The following L3MBTL3 variants were observed in gnomAD, a reference collection of about 807,000 sequenced individuals.
L3MBTL3 encodes lethal(3)malignant brain tumor-like protein 3.
Under a neutral mutation model 102.3 loss-of-function variants are expected in L3MBTL3, and 27 were observed. The observed-to-expected ratio is 0.26, with a 90% CI of 0.19 to 0.36. The LOEUF (loss-of-function observed/expected upper bound fraction) is 0.36, where lower values mean the gene tolerates loss of function less well. L3MBTL3 is among the 10% of genes least tolerant of loss of function. The probability of loss-of-function intolerance (pLI) is 1.00; values close to 1 mark genes in which losing one functional copy is unlikely to be tolerated. For synonymous variants in L3MBTL3, 340 were observed against 320.9 expected (o/e 1.06, Z -0.64); for missense variants, 798 against 955.3 (o/e 0.84, Z 2.17).
chr6:130,075,980 A>T (rs934342882), intron 13 of L3MBTL3, among the ~76,000 whole-genome samples: 10 of 152,200 alleles, frequency 6.6e-5, no homozygotes, highest in African/African-American at 1.9e-4. Flanking sequence ...TACTGTGGGT[A>T]ATAGAATTGG....
chr6:130,033,283 T>C (rs566604585), intron 2 of L3MBTL3, among the ~76,000 whole-genome samples: 4 of 152,274 alleles, frequency 2.6e-5, no homozygotes, highest in Admixed American at 2.0e-4. Flanking sequence ...TCCTTGGAGA[T>C]GATGTTACTG....
At chr6:130,042,824 A>ATAATTGTATGTAATAAAG in intron 3 of L3MBTL3, 23 bp downstream of exon 3, 2 of 1,453,820 alleles carry the variant, frequency 1.4e-6, no homozygotes, top group Non-Finnish European at 1.9e-6. Flanking sequence ...TATTACATAC[A>ATAATTGTATGTAATAAAG]ATTATGTGTG....
In L3MBTL3 at chr6:130,040,989, T is replaced by C. The variant is rs528655986; in HGVS notation, c.-15-1696T>C. ...TGTTGCCACTGCACCGGCAATTTTATCCTCTCTTGGTTTTGCACTATCAGT... is the reference window on the plus strand; with the variant it reads ...TGTTGCCACTGCACCGGCAATTTTACCCTCTCTTGGTTTTGCACTATCAGT... On this transcript the variant is annotated intron_variant, in intron 2 of 22. Transcript: ENST00000361794. 9.8e-5 allele frequency among the ~76,000 whole-genome samples: 15 copies of C among 152,314 alleles called. No homozygotes were observed. In the South Asian group the frequency reaches 2.5e-3, roughly 25 times the overall value.
At chr6:130,021,612 A>G (rs1418904216) in intron 1 of L3MBTL3, among the ~76,000 whole-genome samples, 4 of 152,242 alleles carry the variant, frequency 2.6e-5, no homozygotes, top group Non-Finnish European at 4.4e-5. Flanking sequence ...CTAAGTTGAA[A>G]TGTGTTTAAA....
At chr6:130,038,252 A>G (rs1311702482) in intron 2 of L3MBTL3, among the ~76,000 whole-genome samples, 1 of 152,076 alleles carries the variant, frequency 6.6e-6, no homozygotes, top group African/African-American at 2.4e-5. Flanking sequence ...GATATCTGAT[A>G]TACTGATTTC....
At chr6:130,091,142 A>C (rs866215888) in intron 16 of L3MBTL3, among the ~76,000 whole-genome samples, 2 of 152,188 alleles carry the variant, frequency 1.3e-5, no homozygotes, top group Admixed American at 6.5e-5. Flanking sequence ...AATCAAATTG[A>C]TCAGTCTTTT....
chr6:130,112,652 C>G lies in L3MBTL3; in HGVS notation c.1886+8077C>G, dbSNP rs574701717. On this transcript the variant is annotated intron_variant, in intron 19 of 22. Transcript: ENST00000361794. ...CAGCGGGCTGTGGGGATCAGTATCT[C>G]AGAACATTTGTACCCTAGGATTCAG... 9.2e-5 allele frequency among the ~76,000 whole-genome samples: 14 copies of G among 152,232 alleles called. 1 individual carries two copies. In the East Asian group the frequency reaches 2.7e-3, roughly 29 times the overall value.
chr6:130,019,630 C>T (rs1778811817), intron 1 of L3MBTL3, among the ~76,000 whole-genome samples: 1 of 150,666 alleles, frequency 6.6e-6, no homozygotes. Context: ...CACACTCACA[C>T]GCACGCACAC....
At chr6:130,119,623 AAAT>A (rs1785988342) in intron 19 of L3MBTL3, among the ~76,000 whole-genome samples, 1 of 152,190 alleles carries the variant, frequency 6.6e-6, no homozygotes, top group Non-Finnish European at 1.5e-5. Flanking sequence ...TTGGAAAAAA[AAAT>A]AATGATTCTC....
chr6:130,115,967 A>G (rs1222382258), intron 19 of L3MBTL3, among the ~76,000 whole-genome samples: 1 of 152,124 alleles, frequency 6.6e-6, no homozygotes, highest in Non-Finnish European at 1.5e-5. Context: ...TATGTGGTGT[A>G]GTTGCTATCA....
At chr6:130,083,813 A>C (rs370872096) in intron 15 of L3MBTL3, 108 bp downstream of exon 15, 14 of 498,572 alleles carry the variant, frequency 2.8e-5, no homozygotes, top group South Asian at 2.0e-4. Flanking sequence ...TGAGAAAAAA[A>C]TAGAGCACCA....
At chr6:130,062,803 A>C (rs1202278188) in intron 10 of L3MBTL3, among the ~76,000 whole-genome samples, 2 of 140,400 alleles carry the variant, frequency 1.4e-5, no homozygotes, top group African/African-American at 2.6e-5. Context: ...TTCATTATTC[A>C]AAAAAAAAAA....
intron 18 of L3MBTL3, among the ~76,000 whole-genome samples, chr6:130,100,757 T>C (rs1052331184): frequency 3.3e-5 from 5 of 152,194 alleles, no homozygotes; most frequent in African/African-American, 1.2e-4. Flanking sequence ...TATTCTTTCA[T>C]TTATTCAACA....
At chr6:130,055,769 T>C (rs1002131757) in intron 8 of L3MBTL3, among the ~76,000 whole-genome samples, 10 of 150,988 alleles carry the variant, frequency 6.6e-5, no homozygotes, top group African/African-American at 2.4e-4. Context: ...CTATAAAACC[T>C]CTGTTCTTGT....
chr6:130,132,282 A>T (rs184278173), intron 20 of L3MBTL3, among the ~76,000 whole-genome samples: 7 of 152,218 alleles, frequency 4.6e-5, no homozygotes, highest in African/African-American at 1.2e-4. Context: ...TTTAAATACA[A>T]TTCAAAAAAG....
intron 16 of L3MBTL3, among the ~76,000 whole-genome samples, chr6:130,091,459 A>G (rs897499814): frequency 2.6e-5 from 4 of 152,142 alleles, no homozygotes; most frequent in African/African-American, 9.7e-5. Flanking sequence ...AAAATATATA[A>G]TAACCTAAAA....
intron 8 of L3MBTL3, among the ~76,000 whole-genome samples, 166 bp from the exon 9 acceptor site, chr6:130,057,240 A>G (rs1562272616): frequency 6.6e-6 from 1 of 152,012 alleles, no homozygotes; most frequent in Admixed American, 6.5e-5. Flanking sequence ...TTCACTTTTT[A>G]TCTTGGTTCT....
chr6:130,051,512 G>A (rs1781090723), intron 6 of L3MBTL3, 104 bp downstream of exon 6: 1 of 1,036,676 alleles, frequency 9.6e-7, no homozygotes, highest in East Asian at 2.4e-5. Context: ...ATCACCTATT[G>A]ATACCTTTTT....
chr6:130,024,025 TA>T (rs1219141877), intron 2 of L3MBTL3, among the ~76,000 whole-genome samples: 1 of 152,172 alleles, frequency 6.6e-6, no homozygotes, highest in African/African-American at 2.4e-5. Context: ...AGAAATACTT[TA>T]AAATGATGCC....
Sources: gnomAD v4.1 joint callset for allele counts (sites outside exome capture counted in the v4.1 genomes callset) on GRCh38, gnomAD v4.1.1 for gene constraint, MANE v1.5 for transcripts, NCBI Gene and HGNC (gene_info 2026-07-23, HGNC 2026-07-21) for gene names.